The following CDH13 variants were observed in gnomAD, a reference collection of about 807,000 sequenced individuals.
CDH13 encodes cadherin 13.
Under a neutral mutation model 63.8 loss-of-function variants are expected in CDH13, and 24 were observed. The ratio of observed to expected loss-of-function variants is 0.38; its 90% CI spans 0.27 to 0.53. The LOEUF (loss-of-function observed/expected upper bound fraction) is 0.53. Among genes scored for constraint, CDH13 ranks in the 20% least tolerant of loss-of-function variants. The pLI is 0.85. For synonymous variants in CDH13, 503 were observed against 355.3 expected (o/e 1.42, Z -4.67); for missense variants, 1,049 against 903.1 (o/e 1.16, Z -2.07).
rs527379368 is a variant in CDH13, at chr16:83,676,231, A to G, written c.1285-1977A>G. Among the ~76,000 whole-genome samples, 5 of 152,278 alleles carry G rather than the reference A, an allele frequency of 3.3e-5. No homozygotes were observed. In the East Asian group the frequency reaches 9.7e-4, roughly 29 times the overall value. On this transcript the variant is annotated intron_variant, in intron 9 of 13. Coordinates refer to ENST00000567109, the MANE Select transcript of CDH13 (RefSeq NM_001257.5). Reference sequence around the variant, plus strand: ...GATGGCTGGATTCCCCAGAAACCCCACTATCCTCCTGCTTGTGCATACGTC... The same window carrying G: ...GATGGCTGGATTCCCCAGAAACCCCGCTATCCTCCTGCTTGTGCATACGTC...
chr16:83,242,559 A>G (rs1460108028), intron 5 of CDH13, among the ~76,000 whole-genome samples: 1 of 152,192 alleles, frequency 6.6e-6, no homozygotes, highest in Non-Finnish European at 1.5e-5. Flanking sequence ...GGTGACATAC[A>G]GGTCCAGGCA....
intron 5 of CDH13, among the ~76,000 whole-genome samples, chr16:83,275,868 A>G (rs950799681): frequency 6.6e-6 from 1 of 152,216 alleles, no homozygotes; most frequent in African/African-American, 2.4e-5. Flanking sequence ...CAAATGAGCC[A>G]TGAAAACTGC....
chr16:83,416,382 A>G (rs1043147156), intron 6 of CDH13, among the ~76,000 whole-genome samples: 5 of 152,206 alleles, frequency 3.3e-5, no homozygotes, highest in African/African-American at 1.2e-4. Context: ...GAAATAGGAA[A>G]CTCAGTGGAG....
At chr16:82,776,158 C>T (rs1256059845) in intron 1 of CDH13, among the ~76,000 whole-genome samples, 2 of 146,492 alleles carry the variant, frequency 1.4e-5, no homozygotes, top group African/African-American at 2.5e-5. Context: ...TGCAGTGAGC[C>T]GTGATTGTGC....
intron 12 of CDH13, among the ~76,000 whole-genome samples, chr16:83,782,736 GA>G (rs3055230): frequency 0.038 from 3,731 of 99,012 alleles, 120 homozygotes; most frequent in African/African-American, 0.13. Flanking sequence ...ACCCTGTCTC[GA>G]AAAAAAAAAA....
intron 2 of CDH13, among the ~76,000 whole-genome samples, chr16:82,947,743 G>C (rs530113360): frequency 6.6e-6 from 1 of 152,258 alleles, no homozygotes; most frequent in African/African-American, 2.4e-5. Flanking sequence ...AAATTATTTT[G>C]ATGTTACTTT....
rs968025813 is a variant in CDH13, at chr16:82,687,818, C to T, written c.45+60681C>T. On this transcript the variant is annotated intron_variant, in intron 1 of 13. Coordinates refer to ENST00000567109, the MANE Select transcript of CDH13 (RefSeq NM_001257.5). ...GGTAGATCCTAACATGGTGACCCAG[C>T]AAGAGTCTCTTTTCAAACTGGCTGT... Among the ~76,000 whole-genome samples, 298 of 152,144 alleles carry T rather than the reference C, an allele frequency of 2.0e-3. 1 individual carries two copies. Among genetic ancestry groups the T allele is most frequent in the African/African-American group, 6.7e-3 (280 of 41,520 alleles).
chr16:83,478,099 G>A (rs1449765172), intron 6 of CDH13, among the ~76,000 whole-genome samples: 2 of 151,284 alleles, frequency 1.3e-5, no homozygotes, highest in Non-Finnish European at 2.9e-5. Context: ...GGCGGAGCTT[G>A]CAGTGAGCCG....
In CDH13 at chr16:83,293,658, T is replaced by A. The variant is rs183585958; in HGVS notation, c.637-51204T>A. 1.2e-3 allele frequency among the ~76,000 whole-genome samples: 177 copies of A among 152,238 alleles called. 1 individual carries two copies. The highest frequency in any genetic ancestry group is 3.4e-3 in the Middle Eastern group (1 of 292). On this transcript the variant is annotated intron_variant, in intron 5 of 13. Transcript: ENST00000567109. ...AATGAAAACATATTATAGTGAGAAA[T>A]GTAATTATTGATTGAACTGGATATT...
At chr16:82,923,197 A>C (rs1021074181) in intron 2 of CDH13, among the ~76,000 whole-genome samples, 3 of 152,216 alleles carry the variant, frequency 2.0e-5, no homozygotes, top group African/African-American at 7.2e-5. Context: ...AGGGAAGCAT[A>C]ATAAAAGGAA....
intron 10 of CDH13, among the ~76,000 whole-genome samples, chr16:83,727,256 C>G (rs981172813): frequency 6.7e-6 from 1 of 148,634 alleles, no homozygotes; most frequent in African/African-American, 2.6e-5. Context: ...GACATTTCAT[C>G]GGAATGAAAT....
rs576880125 is a variant in CDH13, at chr16:83,365,259, G to T, written c.781+20253G>T. 2.6e-5 allele frequency among the ~76,000 whole-genome samples: 4 copies of T among 152,184 alleles called. No individual in the cohort carries two copies. In the East Asian group the frequency reaches 7.7e-4, roughly 29 times the overall value. Reference sequence around the variant, plus strand: ...AAGGGCCAATGTATTGTTTAAGTCCGAAGGCTGGAGTGGACTGATGTTGTA... The same window carrying T: ...AAGGGCCAATGTATTGTTTAAGTCCTAAGGCTGGAGTGGACTGATGTTGTA... On this transcript the variant is annotated intron_variant, in intron 6 of 13. Coordinates refer to ENST00000567109, the MANE Select transcript of CDH13 (RefSeq NM_001257.5).
intron 3 of CDH13, among the ~76,000 whole-genome samples, chr16:83,088,285 T>C (rs1022360680): frequency 2.6e-5 from 4 of 152,220 alleles, no homozygotes; most frequent in African/African-American, 9.6e-5. Context: ...TGTGCTTCCC[T>C]GGTGCCTTAT....
At chr16:83,140,242 C>T (rs535409269) in intron 4 of CDH13, among the ~76,000 whole-genome samples, 3 of 152,288 alleles carry the variant, frequency 2.0e-5, no homozygotes, top group African/African-American at 7.2e-5. Flanking sequence ...AGGAGCTCCA[C>T]TTCTAATCAT....
At chr16:83,123,738 G>C (rs1285739933) in intron 3 of CDH13, among the ~76,000 whole-genome samples, 1 of 152,172 alleles carries the variant, frequency 6.6e-6, no homozygotes, top group Non-Finnish European at 1.5e-5. Flanking sequence ...GGGATTGCTA[G>C]GTTGAATGGT....
intron 7 of CDH13, among the ~76,000 whole-genome samples, chr16:83,597,151 A>G (rs1907340566): frequency 6.6e-6 from 1 of 152,100 alleles, no homozygotes; most frequent in Non-Finnish European, 1.5e-5. Context: ...TGAGCCTGGG[A>G]GGTCGAGGCT....
intron 7 of CDH13, among the ~76,000 whole-genome samples, chr16:83,600,008 G>A (rs1907628545): frequency 6.6e-6 from 1 of 152,168 alleles, no homozygotes; most frequent in Non-Finnish European, 1.5e-5. Flanking sequence ...GTGATGACAA[G>A]CAGAAAGCCA....
At chr16:83,473,006 G>A (rs145642347) in intron 6 of CDH13, among the ~76,000 whole-genome samples, 145 of 152,244 alleles carry the variant, frequency 9.5e-4, no homozygotes, top group Non-Finnish European at 1.8e-3. Flanking sequence ...CCAGTTCCAT[G>A]GGGGCACAGG....
In CDH13 at chr16:82,793,490, G is replaced by A. The variant is rs534424071; in HGVS notation, c.46-64872G>A. 7.9e-5 allele frequency among the ~76,000 whole-genome samples: 12 copies of A among 152,212 alleles called. No homozygotes were observed. The East Asian group carries it at 1.5e-3, about 20-fold the overall frequency. ...TGGAGTTCCCAGTGTTTCATTATCC[G>A]ATTGAGTTCGGTACCTCAAGTTTCA... On this transcript the variant is annotated intron_variant, in intron 1 of 13. Transcript: ENST00000567109.
Sources: allele counts gnomAD v4.1 joint callset (sites outside exome capture counted in the v4.1 genomes callset), GRCh38; gene constraint gnomAD v4.1.1; transcripts MANE v1.5; gene names NCBI Gene and HGNC (gene_info 2026-07-23, HGNC 2026-07-21).